Variants in MSRB3 observed in about 807,000 individuals in gnomAD.
MSRB3 encodes the protein methionine-R-sulfoxide reductase B3.
Under a neutral mutation model 21.0 loss-of-function variants are expected in MSRB3, and 13 were observed. The observed-to-expected ratio is 0.62, with a 90% CI of 0.40 to 0.98. MSRB3 has a LOEUF of 0.98. MSRB3 is among the 50% of genes least tolerant of loss of function. MSRB3 has a pLI of 0.00. For missense variants in MSRB3, 199 were observed against 230.3 expected, an observed-to-expected ratio of 0.86 and a Z score of 0.88; for synonymous variants, 87 against 88.6, an observed-to-expected ratio of 0.98 and a Z score of 0.10.
intron 5 of MSRB3, among the ~76,000 whole-genome samples, chr12:65,451,449 T>A (rs746097989): frequency 6.6e-6 from 1 of 152,040 alleles, no homozygotes; most frequent in Non-Finnish European, 1.5e-5. Context: ...CATATCTAAT[T>A]CAGGTAGAAA....
At chr12:65,384,279 T>C (rs1416660307) in intron 5 of MSRB3, among the ~76,000 whole-genome samples, 1 of 152,194 alleles carries the variant, frequency 6.6e-6, no homozygotes, top group Non-Finnish European at 1.5e-5. Flanking sequence ...GAAAGATATT[T>C]CCCAATTCAT....
chr12:65,429,788 T>A (rs1881790598), intron 5 of MSRB3, among the ~76,000 whole-genome samples: 1 of 152,172 alleles, frequency 6.6e-6, no homozygotes, highest in African/African-American at 2.4e-5. Flanking sequence ...TTCAGGATGA[T>A]GTGAATGATG....
intron 4 of MSRB3, among the ~76,000 whole-genome samples, chr12:65,353,118 A>G (rs1296611142): frequency 6.6e-6 from 1 of 152,142 alleles, no homozygotes; most frequent in Non-Finnish European, 1.5e-5. Context: ...ATTCTTTTAC[A>G]TTTGGTGAGG....
intron 4 of MSRB3, among the ~76,000 whole-genome samples, chr12:65,332,464 C>T (rs934344872): frequency 6.6e-6 from 1 of 152,034 alleles, no homozygotes; most frequent in Non-Finnish European, 1.5e-5. Flanking sequence ...TTTCAAGTAT[C>T]TAATCACACC....
chr12:65,353,258 G>T (rs976631563), intron 4 of MSRB3, among the ~76,000 whole-genome samples: 2 of 152,146 alleles, frequency 1.3e-5, no homozygotes, highest in Non-Finnish European at 2.9e-5. Context: ...TTGCAGAGCT[G>T]AGTTCAGTTC....
chr12:65,324,489 C>G (rs1296240018), intron 2 of MSRB3, among the ~76,000 whole-genome samples: 1 of 152,134 alleles, frequency 6.6e-6, no homozygotes, highest in Non-Finnish European at 1.5e-5. Flanking sequence ...AATAAAGTCT[C>G]TTCAATACCC....
chr12:65,283,330 G>T (rs577889951), intron 1 of MSRB3, among the ~76,000 whole-genome samples: 198 of 152,270 alleles, frequency 1.3e-3, no homozygotes, highest in Admixed American at 6.3e-3. Flanking sequence ...TTTGGACCAT[G>T]GTTGGAGTAC....
intron 2 of MSRB3, among the ~76,000 whole-genome samples, chr12:65,311,392 GT>G (rs2136427157): frequency 6.6e-6 from 1 of 152,182 alleles, no homozygotes; most frequent in Admixed American, 6.5e-5. Context: ...TTTTTAAAGT[GT>G]TATGAAAGTC....
intron 4 of MSRB3, among the ~76,000 whole-genome samples, chr12:65,337,266 A>AC (rs893602703): frequency 1.6e-4 from 23 of 147,994 alleles, no homozygotes; most frequent in African/African-American, 6.1e-4. Context: ...AACAAAACAA[A>AC]ACAAAAAAAA....
At chr12:65,298,118 C>T (rs765302919) in intron 1 of MSRB3, among the ~76,000 whole-genome samples, 8 of 152,118 alleles carry the variant, frequency 5.3e-5, no homozygotes, top group Non-Finnish European at 8.8e-5. Flanking sequence ...ATCCTCCCGC[C>T]TCAGCGTTCC....
intron 4 of MSRB3, among the ~76,000 whole-genome samples, chr12:65,356,389 C>T (rs1193484838): frequency 6.6e-6 from 1 of 151,828 alleles, no homozygotes; most frequent in African/African-American, 2.4e-5. Flanking sequence ...TTGCTTCTCA[C>T]AAAGACAACT....
At position 65,321,969 on chromosome 12, in the gene MSRB3, G is replaced by A. The variant is rs540501828; in HGVS notation, c.77-4857G>A. On this transcript the variant is annotated intron_variant, in intron 2 of 6. Coordinates refer to ENST00000308259, the MANE Select transcript of MSRB3 (RefSeq NM_001031679.3). The stretch of plus-strand genomic sequence containing the variant: ...TCTTGGGAAAATATTTAATAGTTTC[G>A]TTTTTTCTGATTCTAGAACCAAAAT... 3.3e-3 allele frequency among the ~76,000 whole-genome samples: 495 copies of A among 152,072 alleles called. 5 individuals carry two copies. Among genetic ancestry groups the A allele is most frequent in the Non-Finnish European group, 2.8e-3 (193 of 67,950 alleles).
intron 5 of MSRB3, among the ~76,000 whole-genome samples, chr12:65,381,134 T>G (rs1049867401): frequency 3.3e-5 from 5 of 152,188 alleles, no homozygotes; most frequent in African/African-American, 1.2e-4. Context: ...AAGGATTTGT[T>G]GCAAAGAAAT....
intron 1 of MSRB3, chr12:65,279,070 A>G: frequency 7.1e-7 from 1 of 1,412,154 alleles, no homozygotes; most frequent in Non-Finnish European, 9.2e-7. Flanking sequence ...GAACGGAAGG[A>G]GGTCAGGGCT....
At chr12:65,294,532 G>A (rs1872841202) in intron 1 of MSRB3, among the ~76,000 whole-genome samples, 1 of 152,146 alleles carries the variant, frequency 6.6e-6, no homozygotes, top group South Asian at 2.1e-4. Flanking sequence ...AAGAACATGG[G>A]TGAGCTCTCT....
At chr12:65,412,423 A>G (rs1402975701) in intron 5 of MSRB3, among the ~76,000 whole-genome samples, 2 of 152,304 alleles carry the variant, frequency 1.3e-5, no homozygotes, top group Non-Finnish European at 2.9e-5. Flanking sequence ...GCTGTATTCA[A>G]AGGAACTCAA....
intron 4 of MSRB3, among the ~76,000 whole-genome samples, chr12:65,341,887 A>G (rs932514385): frequency 1.3e-5 from 2 of 152,024 alleles, no homozygotes; most frequent in Non-Finnish European, 2.9e-5. Flanking sequence ...AAGAGATTTT[A>G]TACACATTCA....
intron 5 of MSRB3, among the ~76,000 whole-genome samples, chr12:65,374,107 T>C (rs1878467743): frequency 1.3e-5 from 2 of 152,200 alleles, no homozygotes; most frequent in Non-Finnish European, 2.9e-5. Context: ...AAGGAAAATA[T>C]TTTCAGTTCT....
intron 5 of MSRB3, among the ~76,000 whole-genome samples, chr12:65,416,024 G>A (rs1185136509): frequency 6.6e-6 from 1 of 152,200 alleles, no homozygotes; most frequent in African/African-American, 2.4e-5. Context: ...GGGATCTCCA[G>A]GGAGGTGGAC....
Sources: allele counts gnomAD v4.1 joint callset (sites outside exome capture counted in the v4.1 genomes callset), GRCh38; gene constraint gnomAD v4.1.1; transcripts MANE v1.5; gene names NCBI Gene and HGNC (gene_info 2026-07-23, HGNC 2026-07-21).